Variants in UHRF1 observed in about 807,000 individuals in gnomAD.
The protein encoded by UHRF1 is ubiquitin like with PHD and ring finger domains 1.
Under a neutral mutation model 96.5 loss-of-function variants are expected in UHRF1, and 9 were observed. The ratio of observed to expected loss-of-function variants is 0.09; its 90% CI spans 0.06 to 0.16. The LOEUF (loss-of-function observed/expected upper bound fraction) is 0.16, where lower values mean the gene tolerates loss of function less well. UHRF1 is among the 10% of genes least tolerant of loss of function. The probability of loss-of-function intolerance (pLI) is 1.00; values close to 1 mark genes in which losing one functional copy is unlikely to be tolerated. For missense variants in UHRF1, 626 were observed against 1,131.1 expected (o/e 0.55, Z 6.40); for synonymous variants, 455 against 469.9 (o/e 0.97, Z 0.41).
chr19:4,911,422 T>C (rs959174820), intron 2 of UHRF1, among the ~76,000 whole-genome samples: 5 of 152,182 alleles, frequency 3.3e-5, no homozygotes, highest in Non-Finnish European at 4.4e-5. Context: ...GACCAGGTTT[T>C]CTTTTTTAAA....
chr19:4,955,286 G>T (rs1032492476), intron 15 of UHRF1, among the ~76,000 whole-genome samples: 1 of 152,138 alleles, frequency 6.6e-6, no homozygotes, highest in African/African-American at 2.4e-5. Context: ...GGGCTCCAGG[G>T]GAGAACCAGA....
intron 2 of UHRF1, among the ~76,000 whole-genome samples, chr19:4,923,275 C>T (rs182072180): frequency 4.9e-4 from 74 of 152,252 alleles, no homozygotes; most frequent in African/African-American, 1.6e-3. Flanking sequence ...CTCCTGGCTC[C>T]GTCTGCTCCT....
In UHRF1 at chr19:4,954,710, C is replaced by T. The variant is rs1472673375; in HGVS notation, c.2018C>T (p.Pro673Leu). 2 of 1,613,676 alleles carry T rather than the reference C, an allele frequency of 1.2e-6. No homozygotes were observed. The highest frequency in any genetic ancestry group is 8.5e-7 in the Non-Finnish European group (1 of 1,179,792). Residue 673 changes from proline to leucine, a missense_variant, in exon 15 of 17, where the codon CCC (proline) becomes CTC (leucine). Pro to Leu is a moderately conservative substitution (Grantham distance 98). Transcript: ENST00000650932. This position sits in a 1 kb window ranked among gnomAD's most constrained non-coding sequence, Gnocchi z 5.9. ...ACATCCAAGAAAACCAAGGTGGAGC[C>T]CTACAGTCTCACGGCCCAGCAGAGC... Reference protein sequence around the residue: ...RRTSKKTKVEPYSLTAQQSSL... With the variant: ...RRTSKKTKVELYSLTAQQSSL...
At chr19:4,940,356 A>G (rs1375750823) in intron 5 of UHRF1, among the ~76,000 whole-genome samples, 2 of 86,008 alleles carry the variant, frequency 2.3e-5, no homozygotes, top group Non-Finnish European at 4.9e-5. Flanking sequence ...CGTTGCCTTT[A>G]TGATTTTTTT....
At chr19:4,950,275 A>C (rs1192593087) in intron 11 of UHRF1, among the ~76,000 whole-genome samples, 3 of 144,326 alleles carry the variant, frequency 2.1e-5, no homozygotes, top group Non-Finnish European at 3.0e-5. Flanking sequence ...ACAGAACCTC[A>C]CTCTGTCACC....
chr19:4,954,899 C>A lies in UHRF1; in HGVS notation c.2130+77C>A. 4.5e-6 allele frequency: 7 copies of A among 1,559,290 alleles called. No homozygotes were observed. The South Asian group carries it at 8.3e-5, about 18-fold the overall frequency. On this transcript the variant is annotated intron_variant, in intron 15 of 16. Transcript: ENST00000650932. The surrounding 1 kb of genome is among the most constrained non-coding windows in gnomAD (Gnocchi z 5.9). ...ATGTGTGGGGCTTGTTTCCCATGTTCCCCATTTTCAAGTGTACAGCTCAGT... is the reference window on the plus strand; with the variant it reads ...ATGTGTGGGGCTTGTTTCCCATGTTACCCATTTTCAAGTGTACAGCTCAGT...
At position 4,930,583 on chromosome 19, in the gene UHRF1, G is replaced by C; in HGVS notation, c.409-133G>C. The C allele has an allele frequency of 1.7e-6, 2 of 1,154,276 alleles. No individual in the cohort carries two copies. Among genetic ancestry groups the C allele is most frequent in the Admixed American group, 2.3e-5 (1 of 43,502 alleles). 71.5% of individuals were successfully genotyped at this position (1,154,276 alleles called of 1,614,324 possible). A position where few individuals can be genotyped will look rare whatever the true frequency, so the allele number is the denominator to read the frequency against. On this transcript the variant is annotated intron_variant, in intron 3 of 16. Transcript: ENST00000650932. This position sits in a 1 kb window ranked among gnomAD's most constrained non-coding sequence, Gnocchi z 4.4. ...TCATGGTCAGCGGTTCCCAGCCAGG[G>C]AGGAGAAACCTCGCTGTGGGCATTC...
chr19:4,917,476 A>G (rs1192771374), intron 2 of UHRF1, among the ~76,000 whole-genome samples: 2 of 151,644 alleles, frequency 1.3e-5, no homozygotes, highest in Non-Finnish European at 2.9e-5. Context: ...CAACATGGTG[A>G]AACCCCATCT....
At chr19:4,909,263 G>A (rs2032148613), upstream of UHRF1, 1 of 525,150 alleles carries the variant, frequency 1.9e-6, no homozygotes, top group Non-Finnish European at 3.3e-6. Context: ...TGCGGGGGGT[G>A]ACCAGGCCCT....
At chr19:4,935,470 A>G (rs542984488) in intron 5 of UHRF1, among the ~76,000 whole-genome samples, 11 of 151,880 alleles carry the variant, frequency 7.2e-5, no homozygotes, top group African/African-American at 2.7e-4. Context: ...ATGAGAACAG[A>G]CTCATACAAC....
chr19:4,940,096 C>T (rs1010898995), intron 5 of UHRF1, among the ~76,000 whole-genome samples: 3 of 151,110 alleles, frequency 2.0e-5, no homozygotes, highest in Non-Finnish European at 2.9e-5. Context: ...TCATTAATAA[C>T]TTTTTCATAT....
At chr19:4,911,188 A>C in intron 2 of UHRF1, 150 bp downstream of exon 2, 1 of 721,558 alleles carries the variant, frequency 1.4e-6, no homozygotes, top group Non-Finnish European at 2.1e-6. Context: ...GTCCACAGAA[A>C]CCTCAAATGC....
At chr19:4,928,503 T>C (rs1346549816) in intron 2 of UHRF1, among the ~76,000 whole-genome samples, 6 of 152,180 alleles carry the variant, frequency 3.9e-5, no homozygotes, top group Non-Finnish European at 8.8e-5. Context: ...GGGCAGGCTG[T>C]GGAGCCAGGC....
chr19:4,943,771 C>G (rs17881701), intron 7 of UHRF1, among the ~76,000 whole-genome samples: 1 of 152,258 alleles, frequency 6.6e-6, no homozygotes, highest in African/African-American at 2.4e-5. Flanking sequence ...CTGCCTCAGC[C>G]TCCCAAGTAG....
At chr19:4,958,780 C>T (rs984531662) in intron 16 of UHRF1, among the ~76,000 whole-genome samples, 54 of 151,674 alleles carry the variant, frequency 3.6e-4, no homozygotes, top group Non-Finnish European at 1.8e-4. Context: ...GAGACCAGCC[C>T]GGGCAACATG....
intron 2 of UHRF1, among the ~76,000 whole-genome samples, chr19:4,916,521 G>A (rs182011291): frequency 6.6e-5 from 10 of 152,188 alleles, no homozygotes; most frequent in African/African-American, 2.4e-4. Flanking sequence ...ACTGACCCCC[G>A]AAGTGCCGCT....
Position 4,950,958 on chromosome 19 carries a change from G to T in UHRF1, c.1780G>T (p.Gly594Trp). Reference protein sequence around the residue: ...DDEPGPWTKEGKDRIKKLGLT... With the variant: ...DDEPGPWTKEWKDRIKKLGLT... ...TGAGCCTGGCCCTTGGACGAAGGAG[G>T]GGAAGGACCGGATCAAGAAGCTGGG... is the stretch of plus-strand genomic sequence containing the variant. The change falls in exon 13 of 17, where the codon GGG (glycine) becomes TGG (tryptophan). Residue 594 changes from glycine (G) to tryptophan (W), a missense_variant. Physicochemically the swap from Gly to Trp is radical, Grantham distance 184 (BLOSUM62 -2). Around this residue, in one of 11 missense-constraint regions of UHRF1, gnomAD observed 61 missense variants for 199.2 expected, o/e 0.31. Transcript: ENST00000650932. 1 of 1,612,058 alleles carries T rather than the reference G, an allele frequency of 6.2e-7. No homozygotes were observed. Among genetic ancestry groups the T allele is most frequent in the Non-Finnish European group, 8.5e-7 (1 of 1,179,778 alleles).
At chr19:4,942,567 G>C (rs1337804693) in intron 7 of UHRF1, among the ~76,000 whole-genome samples, 2 of 152,064 alleles carry the variant, frequency 1.3e-5, no homozygotes, top group Non-Finnish European at 2.9e-5. Context: ...TCGTGCCTCA[G>C]CCTCCCGAGT....
intron 9 of UHRF1, 144 bp from the exon 10 acceptor site, chr19:4,945,717 A>G: frequency 1.6e-6 from 1 of 626,314 alleles, no homozygotes; most frequent in Non-Finnish European, 2.9e-6. Flanking sequence ...CGAGCAGCAC[A>G]CGTAGTAGGT....
Sources: gnomAD v4.1 joint callset for allele counts (sites outside exome capture counted in the v4.1 genomes callset) on GRCh38, gnomAD v4.1.1 for gene constraint, gnomAD v4.1.1 regional missense constraint, Gnocchi (gnomAD v3.1) non-coding constraint, MANE v1.5 for transcripts, NCBI Gene and HGNC (gene_info 2026-07-23, HGNC 2026-07-21) for gene names.